The following FAT3 variants were observed in gnomAD, a reference collection of about 807,000 sequenced individuals.
FAT3 encodes protocadherin Fat 3.
A neutral mutation model predicts 310.2 loss-of-function variants in FAT3; 95 were observed. The ratio of observed to expected loss-of-function variants is 0.31; its 90% CI spans 0.26 to 0.36. The LOEUF (loss-of-function observed/expected upper bound fraction) is 0.36, where lower values mean the gene tolerates loss of function less well. FAT3 is among the 10% of genes least tolerant of loss of function. The probability of loss-of-function intolerance (pLI) is 1.00; values close to 1 mark genes in which losing one functional copy is unlikely to be tolerated. For synonymous variants in FAT3, 2,314 were observed against 2,192.9 expected (o/e 1.06, Z -1.54); for missense variants, 5,408 against 5,715.6 (o/e 0.95, Z 1.74).
intron 2 of FAT3, among the ~76,000 whole-genome samples, chr11:92,439,257 G>A (rs547378992): frequency 2.2e-4 from 33 of 152,228 alleles, no homozygotes; most frequent in Admixed American, 1.4e-3. Context: ...AAACAGGCCA[G>A]TGCCTCTGAT....
intron 3 of FAT3, among the ~76,000 whole-genome samples, chr11:92,644,735 A>C (rs369663774): frequency 1.3e-5 from 2 of 152,214 alleles, no homozygotes; most frequent in Non-Finnish European, 2.9e-5. Context: ...CTGCCTTTTC[A>C]TAGCTCATTG....
chr11:92,366,998 A>G, intron 2 of FAT3: 2 of 520,672 alleles, frequency 3.8e-6, no homozygotes, highest in Non-Finnish European at 7.7e-6. Flanking sequence ...TTGAGGTGTC[A>G]AGTCCTCATT....
Position 92,831,961 on chromosome 11 carries a change from T to G in FAT3, c.9821T>G (p.Leu3274Arg). The G allele has an allele frequency of 6.3e-7, 1 of 1,576,194 alleles. No homozygotes were observed. The highest frequency in any genetic ancestry group is 8.6e-7 in the Non-Finnish European group (1 of 1,160,268). Reference protein sequence around the residue: ...DIGTNAEITYLIRSGNEQGKF... With the variant: ...DIGTNAEITYRIRSGNEQGKF... The stretch of plus-strand genomic sequence containing the variant: ...GGCACAAATGCTGAGATCACTTATC[T>G]CATCCGGTCTGGGAACGAACAAGGG... Residue 3274 changes from leucine to arginine, a missense_variant, in exon 14 of 28, where the codon CTC (leucine) becomes CGC (arginine). Physicochemically the swap from Leu to Arg is moderately radical, Grantham distance 102 (BLOSUM62 -2). Coordinates refer to ENST00000525166, the MANE Select transcript of FAT3 (RefSeq NM_001367949.2).
intron 8 of FAT3, among the ~76,000 whole-genome samples, 155 bp from the exon 9 acceptor site, chr11:92,792,610 CAT>C (rs759300089): frequency 5.9e-5 from 9 of 152,206 alleles, no homozygotes; most frequent in Non-Finnish European, 1.2e-4. Flanking sequence ...TTCCTCACTT[CAT>C]GATACTACCA....
At chr11:92,574,467 G>A (rs1309831946) in intron 3 of FAT3, among the ~76,000 whole-genome samples, 3 of 152,086 alleles carry the variant, frequency 2.0e-5, no homozygotes, top group Admixed American at 2.0e-4. Context: ...CTCTGAACCT[G>A]GGGCTTAACC....
intron 1 of FAT3, among the ~76,000 whole-genome samples, chr11:92,300,217 C>T (rs1275967493): frequency 6.6e-6 from 1 of 152,126 alleles, no homozygotes; most frequent in Non-Finnish European, 1.5e-5. Context: ...TTCGTTGGCT[C>T]ATTATATTTC....
At chr11:92,397,140 G>A (rs2134843797) in intron 2 of FAT3, among the ~76,000 whole-genome samples, 1 of 152,236 alleles carries the variant, frequency 6.6e-6, no homozygotes, top group Non-Finnish European at 1.5e-5. Flanking sequence ...TGCCACCAAT[G>A]TGTGCTACAC....
intron 3 of FAT3, among the ~76,000 whole-genome samples, chr11:92,686,872 A>T (rs894892642): frequency 2.0e-5 from 3 of 152,190 alleles, no homozygotes; most frequent in African/African-American, 7.2e-5. Context: ...CTGTCAGATG[A>T]AAACATGTAG....
intron 2 of FAT3, among the ~76,000 whole-genome samples, chr11:92,415,060 G>C (rs1950379063): frequency 6.6e-6 from 1 of 151,938 alleles, no homozygotes; most frequent in African/African-American, 2.4e-5. Flanking sequence ...CATTTGGCTT[G>C]TATTTTAATA....
At chr11:92,832,086 T>C in intron 14 of FAT3, 75 bp downstream of exon 14, 1 of 1,440,456 alleles carries the variant, frequency 6.9e-7, no homozygotes, top group Non-Finnish European at 9.2e-7. Context: ...AACCTAGCAC[T>C]TTGGGAGGCT....
At chr11:92,605,585 T>A (rs1940237912) in intron 3 of FAT3, among the ~76,000 whole-genome samples, 1 of 152,262 alleles carries the variant, frequency 6.6e-6, no homozygotes, top group Non-Finnish European at 1.5e-5. Flanking sequence ...ACTAATATGG[T>A]TTAGAAATTC....
In FAT3 at chr11:92,798,220, C is replaced by G. The variant is rs918200131; in HGVS notation, c.5207C>G (p.Ser1736Cys). 6.2e-7 allele frequency: 1 copy of G among 1,613,816 alleles called. No homozygotes were observed. The highest frequency in any genetic ancestry group is 1.3e-5 in the African/African-American group (1 of 74,916). ...QKALDYERTS[S>C]YQLIIQATNM... ...GCCCTGGATTATGAGCGCACATCCT[C>G]TTATCAACTCATCATTCAGGCCACC... Residue 1736 changes from serine (S) to cysteine (C), a missense_variant, in exon 10 of 28, where the codon TCT becomes TGT. Physicochemically the swap from Ser to Cys is moderately radical, Grantham distance 112 (BLOSUM62 -1). Coordinates refer to ENST00000525166, the MANE Select transcript of FAT3 (RefSeq NM_001367949.2).
intron 1 of FAT3, among the ~76,000 whole-genome samples, chr11:92,229,275 G>A (rs1864045192): frequency 6.6e-6 from 1 of 152,088 alleles, no homozygotes; most frequent in African/African-American, 2.4e-5. Flanking sequence ...ATTGTGAGGA[G>A]TGGGTCTTTG....
rs764468446 is a variant in FAT3 at position 92,792,863 on chromosome 11, C to G, written c.4708C>G (p.Leu1570Val). The G allele has an allele frequency of 1.2e-6, 2 of 1,613,868 alleles. No homozygotes were observed. The highest frequency in any genetic ancestry group is 3.3e-5 in the Admixed American group (2 of 60,012). The stretch of plus-strand genomic sequence containing the variant: ...TCACAGTCCTTATTTTACCAACCCA[C>G]TGTATGAAGCGTCTGTGTTTGAATC... ...NDHSPYFTNPLYEASVFESAA... is the reference protein window; with the variant it reads ...NDHSPYFTNPVYEASVFESAA... The change falls in exon 9 of 28, where the codon CTG becomes GTG. Residue 1570 changes from leucine to valine, a missense_variant. Leu to Val is a conservative substitution (Grantham distance 32). Around this residue, in one of 5 missense-constraint regions of FAT3, gnomAD observed 4,588 missense variants for 4,809.8 expected, o/e 0.95. Coordinates refer to ENST00000525166, the MANE Select transcript of FAT3 (RefSeq NM_001367949.2).
chr11:92,590,819 T>C (rs1390028435), intron 3 of FAT3, among the ~76,000 whole-genome samples: 1 of 152,178 alleles, frequency 6.6e-6, no homozygotes, highest in Non-Finnish European at 1.5e-5. Context: ...TTGCCTACAT[T>C]TTTTACTTTT....
intron 1 of FAT3, among the ~76,000 whole-genome samples, chr11:92,295,604 T>C (rs959732695): frequency 1.3e-5 from 2 of 152,136 alleles, no homozygotes; most frequent in Non-Finnish European, 2.9e-5. Context: ...TAGAAATTTT[T>C]TTCTCCGTGG....
At chr11:92,812,367 G>A (rs1947698377) in intron 13 of FAT3, among the ~76,000 whole-genome samples, 1 of 152,184 alleles carries the variant, frequency 6.6e-6, no homozygotes, top group South Asian at 2.1e-4. Context: ...CGGATCACGA[G>A]GTCAGGAGTT....
chr11:92,569,764 T>C (rs748807881), intron 3 of FAT3, among the ~76,000 whole-genome samples: 3 of 152,190 alleles, frequency 2.0e-5, no homozygotes, highest in Non-Finnish European at 4.4e-5. Flanking sequence ...TCATTTTGCA[T>C]ATTTAGTAGA....
intron 7 of FAT3, among the ~76,000 whole-genome samples, chr11:92,779,417 A>G (rs1350141377): frequency 6.6e-6 from 1 of 152,146 alleles, no homozygotes; most frequent in African/African-American, 2.4e-5. Flanking sequence ...GAATCATGGT[A>G]AAGCATGACA....
Sources: allele counts gnomAD v4.1 joint callset (sites outside exome capture counted in the v4.1 genomes callset), GRCh38; gene constraint gnomAD v4.1.1; regional missense constraint gnomAD v4.1.1; transcripts MANE v1.5; gene names NCBI Gene and HGNC (gene_info 2026-07-23, HGNC 2026-07-21).